Variants in QRICH1 observed in about 807,000 individuals in gnomAD.
QRICH1 encodes transcriptional regulator QRICH1.
QRICH1 carries 16 observed loss-of-function variants against 87.1 expected under a neutral mutation model. The ratio of observed to expected loss-of-function variants is 0.18; its 90% CI spans 0.12 to 0.28. The LOEUF is 0.28. QRICH1 is among the 10% of genes least tolerant of loss of function. The pLI, the probability that QRICH1 is intolerant of heterozygous loss-of-function variation, is 1.00. For synonymous variants in QRICH1, 367 were observed against 368.4 expected, an observed-to-expected ratio of 1.00 and a Z score of 0.05; for missense variants, 647 against 951.7, an observed-to-expected ratio of 0.68 and a Z score of 4.21.
Position 49,047,196 on chromosome 3 carries a change from A to T in QRICH1, c.1389T>A (p.Pro463=). The part of the protein sequence containing the change: ...AEVEPQSQPQ[P]SPELLLPNSL... ...AATTTGGAAGCAGAAGTTCTGGGGA[A>T]GGCTGTGGCTGTGACTGTGGTTCAA... The change falls in exon 4 of 10, where the codon CCT becomes CCA. Residue 463 remains proline (P), a synonymous_variant. Transcript: ENST00000395443. 6.2e-7 allele frequency: 1 copy of T among 1,614,208 alleles called. No individual in the cohort carries two copies. Among genetic ancestry groups the T allele is most frequent in the Non-Finnish European group, 8.5e-7 (1 of 1,180,038 alleles).
chr3:49,076,576 T>C, intron 2 of QRICH1, 133 bp downstream of exon 2: 1 of 932,318 alleles, frequency 1.1e-6, no homozygotes, highest in East Asian at 2.9e-5. Flanking sequence ...AAACTTTTAG[T>C]CCACATTAAC....
intron 1 of QRICH1, among the ~76,000 whole-genome samples, chr3:49,080,791 T>C (rs1000069161): frequency 6.6e-6 from 1 of 151,826 alleles, no homozygotes; most frequent in Non-Finnish European, 1.5e-5. Context: ...TGTTTTGTTT[T>C]TGGAGGTTTC....
At chr3:49,084,903 C>G (rs1251554263) in intron 1 of QRICH1, among the ~76,000 whole-genome samples, 1 of 152,134 alleles carries the variant, frequency 6.6e-6, no homozygotes, top group East Asian at 1.9e-4. Context: ...AATCCCAGCA[C>G]TTTCCGAGGC....
intron 1 of QRICH1, among the ~76,000 whole-genome samples, chr3:49,079,367 TAG>T (rs1439029144): frequency 2.0e-5 from 3 of 151,438 alleles, no homozygotes; most frequent in Non-Finnish European, 2.9e-5. Context: ...CTGGGAAACC[TAG>T]AGAGACTTTC....
At chr3:49,071,991 C>A (rs1318781768) in intron 2 of QRICH1, among the ~76,000 whole-genome samples, 1 of 152,114 alleles carries the variant, frequency 6.6e-6, no homozygotes, top group Non-Finnish European at 1.5e-5. Context: ...CATGCCTGGG[C>A]CAGCCTTCTT....
chr3:49,047,388 T>A, intron 3 of QRICH1, 142 bp from the exon 4 acceptor site: 1 of 831,188 alleles, frequency 1.2e-6, no homozygotes, highest in Non-Finnish European at 1.8e-6. Context: ...TTAAGAAGCT[T>A]TGGAGTTCTA....
chr3:49,069,978 G>A (rs1353678979), intron 2 of QRICH1, among the ~76,000 whole-genome samples: 3 of 151,830 alleles, frequency 2.0e-5, no homozygotes, highest in African/African-American at 7.3e-5. Flanking sequence ...TCAGCTTAGG[G>A]CACTCTAAGA....
chr3:49,056,226 G>A (rs577442440), intron 3 of QRICH1, among the ~76,000 whole-genome samples: 2 of 151,976 alleles, frequency 1.3e-5, no homozygotes, highest in Non-Finnish European at 2.9e-5. Context: ...CGCCTGCCTC[G>A]GCCTCCCAAA....
At chr3:49,081,564 G>C (rs940778647) in intron 1 of QRICH1, among the ~76,000 whole-genome samples, 9 of 152,034 alleles carry the variant, frequency 5.9e-5, no homozygotes, top group African/African-American at 2.2e-4. Context: ...GCAGTGGTAA[G>C]ATCTTGGTTC....
intron 6 of QRICH1, among the ~76,000 whole-genome samples, chr3:49,036,173 T>TA (rs562209866): frequency 5.5e-4 from 84 of 152,124 alleles, no homozygotes; most frequent in South Asian, 2.3e-3. Context: ...GGGCTATAGA[T>TA]AAAAAAAACC....
At chr3:49,075,678 C>T (rs2041937198) in intron 2 of QRICH1, among the ~76,000 whole-genome samples, 1 of 151,994 alleles carries the variant, frequency 6.6e-6, no homozygotes, top group African/African-American at 2.4e-5. Flanking sequence ...TGGTGGCTCA[C>T]ACCAGTAATC....
intron 6 of QRICH1, among the ~76,000 whole-genome samples, chr3:49,043,768 G>A (rs952800294): frequency 7.3e-5 from 11 of 151,406 alleles, no homozygotes; most frequent in Non-Finnish European, 4.4e-5. Flanking sequence ...GGGAGGCGGA[G>A]GCTGCAGTGA....
intron 5 of QRICH1, among the ~76,000 whole-genome samples, chr3:49,045,326 CAA>C (rs150401256): frequency 2.0e-3 from 200 of 101,828 alleles, no homozygotes; most frequent in African/African-American, 6.4e-3. Flanking sequence ...TTGTGAATTA[CAA>C]AAAAAAAAAA....
Position 49,032,260 on chromosome 3 carries a change from C to T in QRICH1, c.2061G>A (p.Met687Ile). 1 of 1,613,070 alleles carries T rather than the reference C, an allele frequency of 6.2e-7. No homozygotes were observed. Among genetic ancestry groups the T allele is most frequent in the Non-Finnish European group, 8.5e-7 (1 of 1,179,066 alleles). ...HQTGQKVTDD[M>I]YAEQTENPEN... ...CTGGATTTTCCGTCTGTTCTGCATA[C>T]ATGTCATCTGTAACTATAAAACACA... The change falls in exon 9 of 10, where the codon ATG (methionine) becomes ATA (isoleucine). Residue 687 changes from methionine to isoleucine, a missense_variant. Coordinates refer to ENST00000395443, the MANE Select transcript of QRICH1 (RefSeq NM_198880.3).
At chr3:49,066,366 G>A (rs1228372735) in intron 2 of QRICH1, among the ~76,000 whole-genome samples, 1 of 151,962 alleles carries the variant, frequency 6.6e-6, no homozygotes, top group African/African-American at 2.4e-5. Context: ...ATTATAATAC[G>A]GCTTGCTTAA....
intron 2 of QRICH1, among the ~76,000 whole-genome samples, chr3:49,063,689 T>C (rs1176547522): frequency 6.6e-6 from 1 of 152,124 alleles, no homozygotes; most frequent in Admixed American, 6.6e-5. Flanking sequence ...CCTGGGAGGC[T>C]GAGGAAGGAA....
Position 49,049,140 on chromosome 3 carries a change from C to T in QRICH1, c.1339-1894G>A, listed in dbSNP as rs117456689. On this transcript the variant is annotated intron_variant, in intron 3 of 9. Coordinates refer to ENST00000395443, the MANE Select transcript of QRICH1 (RefSeq NM_198880.3). The stretch of plus-strand genomic sequence containing the variant: ...GCTGGTATCGAACTCCTGACCTCGA[C>T]TGATCTGCCCGCCTTGGCCTCCCAA... Among the ~76,000 whole-genome samples the T allele has an allele frequency of 2.0e-5, 3 of 151,840 alleles. No individual in the cohort carries two copies. The East Asian group carries it at 5.9e-4, about 30-fold the overall frequency.
chr3:49,083,957 G>T (rs1054947041), intron 1 of QRICH1, among the ~76,000 whole-genome samples: 1 of 151,458 alleles, frequency 6.6e-6, no homozygotes, highest in Non-Finnish European at 1.5e-5. Flanking sequence ...ACCTGCCACC[G>T]TGCCTGGCTA....
At chr3:49,088,230 G>A (rs937556745) in intron 1 of QRICH1, among the ~76,000 whole-genome samples, 1 of 150,128 alleles carries the variant, frequency 6.7e-6, no homozygotes, top group African/African-American at 2.5e-5. Context: ...TGGGATTACA[G>A]GCGTGAGCCA....
Sources: gnomAD v4.1 joint callset for allele counts (sites outside exome capture counted in the v4.1 genomes callset) on GRCh38, gnomAD v4.1.1 for gene constraint, MANE v1.5 for transcripts, NCBI Gene and HGNC (gene_info 2026-07-23, HGNC 2026-07-21) for gene names.